Variants in GALNT17 observed in about 807,000 individuals in gnomAD.
GALNT17 encodes the protein UDP-GalNAc:polypeptide N-acetylgalactosaminyltransferase-like 3.
Under a neutral mutation model 63.7 loss-of-function variants are expected in GALNT17, and 29 were observed. The observed-to-expected ratio is 0.46, with a 90% CI of 0.34 to 0.62. The LOEUF (loss-of-function observed/expected upper bound fraction) is 0.62. GALNT17 is among the 20% of genes least tolerant of loss of function. The pLI, the probability that GALNT17 is intolerant of heterozygous loss-of-function variation, is 0.01. For synonymous variants in GALNT17, 305 were observed against 318.3 expected, an observed-to-expected ratio of 0.96 and a Z score of 0.45; for missense variants, 603 against 799.6, an observed-to-expected ratio of 0.75 and a Z score of 2.97.
intron 1 of GALNT17, among the ~76,000 whole-genome samples, chr7:71,221,207 A>G (rs979939562): frequency 1.3e-5 from 2 of 152,116 alleles, no homozygotes; most frequent in Admixed American, 1.3e-4. Flanking sequence ...GGGGTGGACT[A>G]TGGAGGACTA....
At chr7:71,336,122 G>A (rs550775149) in intron 2 of GALNT17, among the ~76,000 whole-genome samples, 5 of 140,110 alleles carry the variant, frequency 3.6e-5, no homozygotes, top group East Asian at 2.4e-4. Context: ...TCAGCTCACC[G>A]CAACCTCCGC....
chr7:71,211,362 G>A (rs1421197411), intron 1 of GALNT17, among the ~76,000 whole-genome samples: 1 of 152,154 alleles, frequency 6.6e-6, no homozygotes, highest in East Asian at 1.9e-4. Flanking sequence ...GATGCGGCAT[G>A]TGCCTTTTAC....
chr7:71,665,634 GTGAT>G, intron 7 of GALNT17, 38 bp downstream of exon 7: 1 of 1,586,982 alleles, frequency 6.3e-7, no homozygotes, highest in Non-Finnish European at 8.5e-7. Context: ...CCCCAGTACA[GTGAT>G]CCTTACTGTT....
chr7:71,707,143 A>G (rs1486634088), intron 9 of GALNT17, among the ~76,000 whole-genome samples: 1 of 147,262 alleles, frequency 6.8e-6, no homozygotes, highest in Non-Finnish European at 1.5e-5. Flanking sequence ...TACAATGGTT[A>G]GAAATGATGC....
intron 1 of GALNT17, among the ~76,000 whole-genome samples, chr7:71,217,140 GTTTTGTTTTT>G (rs1295516304): frequency 5.3e-5 from 5 of 95,216 alleles, no homozygotes; most frequent in African/African-American, 1.3e-4. Context: ...ATTTTTTCGT[GTTTTGTTTTT>G]TTTTTTTTTT....
intron 1 of GALNT17, among the ~76,000 whole-genome samples, chr7:71,154,026 C>T (rs1398002794): frequency 2.0e-5 from 3 of 152,156 alleles, no homozygotes; most frequent in Non-Finnish European, 2.9e-5. Flanking sequence ...GTTGATGATG[C>T]GCTGGCCTCC....
chr7:71,153,574 C>G (rs1406148828), intron 1 of GALNT17, among the ~76,000 whole-genome samples: 1 of 151,940 alleles, frequency 6.6e-6, no homozygotes, highest in Non-Finnish European at 1.5e-5. Context: ...ATGAAAAATT[C>G]AATCTAGAGG....
chr7:71,311,753 G>T (rs1328591779), intron 1 of GALNT17, among the ~76,000 whole-genome samples: 2 of 152,158 alleles, frequency 1.3e-5, no homozygotes, highest in African/African-American at 4.8e-5. Context: ...ATGTGGATGG[G>T]TACACCATGC....
chr7:71,500,765 C>G (rs1788167747), intron 5 of GALNT17, among the ~76,000 whole-genome samples: 1 of 152,110 alleles, frequency 6.6e-6, no homozygotes, highest in Admixed American at 6.6e-5. Flanking sequence ...AAGATGGGCT[C>G]TGATCACCAA....
intron 2 of GALNT17, among the ~76,000 whole-genome samples, chr7:71,354,545 T>A (rs1003510475): frequency 2.6e-5 from 4 of 152,184 alleles, no homozygotes; most frequent in African/African-American, 9.6e-5. Context: ...GATTTCTTAA[T>A]GTTAAACCAA....
chr7:71,267,024 T>C (rs1790502973), intron 1 of GALNT17, among the ~76,000 whole-genome samples: 1 of 152,240 alleles, frequency 6.6e-6, no homozygotes. Flanking sequence ...GGCATACTTT[T>C]CTTGGTCTTT....
At chr7:71,598,819 G>A (rs112472421) in intron 6 of GALNT17, among the ~76,000 whole-genome samples, 30 of 150,942 alleles carry the variant, frequency 2.0e-4, no homozygotes, top group Non-Finnish European at 3.8e-4. Context: ...AGCAAATCGG[G>A]TAAATGATCA....
chr7:71,422,877 C>T (rs542260253), intron 5 of GALNT17, among the ~76,000 whole-genome samples: 1 of 152,274 alleles, frequency 6.6e-6, no homozygotes, highest in South Asian at 2.1e-4. Context: ...GTGGAGGTAG[C>T]TCTCAATGAG....
intron 2 of GALNT17, among the ~76,000 whole-genome samples, chr7:71,378,138 C>G (rs1375338825): frequency 6.6e-6 from 1 of 152,140 alleles, no homozygotes; most frequent in Non-Finnish European, 1.5e-5. Flanking sequence ...CACTTGGACT[C>G]AAATGCTAGA....
intron 5 of GALNT17, among the ~76,000 whole-genome samples, chr7:71,458,435 G>A (rs1470780046): frequency 6.6e-6 from 1 of 152,206 alleles, no homozygotes; most frequent in African/African-American, 2.4e-5. Context: ...ATGGGTGCCT[G>A]TGGCTGCCAA....
intron 5 of GALNT17, among the ~76,000 whole-genome samples, chr7:71,461,457 T>A (rs553868454): frequency 6.6e-6 from 1 of 152,324 alleles, no homozygotes; most frequent in South Asian, 2.1e-4. Flanking sequence ...GGAAGTATTC[T>A]AAATACAGAA....
intron 5 of GALNT17, among the ~76,000 whole-genome samples, chr7:71,462,829 G>A (rs1198352559): frequency 1.3e-5 from 2 of 152,196 alleles, no homozygotes; most frequent in South Asian, 2.1e-4. Context: ...AGGCAGGTTT[G>A]CCGCAAGCAG....
chr7:71,648,996 A>G (rs1239769525), intron 6 of GALNT17, among the ~76,000 whole-genome samples: 2 of 152,208 alleles, frequency 1.3e-5, no homozygotes, highest in African/African-American at 4.8e-5. Flanking sequence ...GCCCAGTTCT[A>G]GGTGATGTCT....
intron 6 of GALNT17, among the ~76,000 whole-genome samples, chr7:71,656,480 C>T (rs890451621): frequency 2.0e-5 from 3 of 151,810 alleles, no homozygotes; most frequent in African/African-American, 4.8e-5. Context: ...GAAGACCACA[C>T]GAAGATTGAG....
Sources: allele counts gnomAD v4.1 joint callset (sites outside exome capture counted in the v4.1 genomes callset), GRCh38; gene constraint gnomAD v4.1.1; transcripts MANE v1.5; gene names NCBI Gene and HGNC (gene_info 2026-07-23, HGNC 2026-07-21).